MEIKIN: variants seen among roughly 807,000 people sequenced by gnomAD.
MEIKIN encodes meiosis-specific kinetochore protein.
At chr5:131,819,896 C>T (rs1332608199) in intron 11 of MEIKIN, among the ~76,000 whole-genome samples, 1 of 144,912 alleles carries the variant, frequency 6.9e-6, no homozygotes, top group African/African-American at 2.6e-5. Context: ...CTGCCTCAGC[C>T]TCCCAAGTAG....
intron 9 of MEIKIN, among the ~76,000 whole-genome samples, chr5:131,873,268 GAC>G (rs1036320388): frequency 2.0e-4 from 30 of 152,250 alleles, no homozygotes; most frequent in South Asian, 1.5e-3. Context: ...CACATGCAGA[GAC>G]ACACATAGGC....
chr5:131,834,518 C>G (rs994365488), intron 11 of MEIKIN, among the ~76,000 whole-genome samples: 40 of 152,178 alleles, frequency 2.6e-4, no homozygotes, highest in Admixed American at 4.6e-4. Flanking sequence ...TGTCAACCAC[C>G]ATTCTACTCT....
At chr5:131,901,452 C>T (rs1212750459) in intron 8 of MEIKIN, among the ~76,000 whole-genome samples, 1 of 152,146 alleles carries the variant, frequency 6.6e-6, no homozygotes, top group Admixed American at 6.5e-5. Flanking sequence ...TTAATACCTG[C>T]ATGGACACTG....
At chr5:131,872,514 A>C (rs1196592900) in intron 9 of MEIKIN, among the ~76,000 whole-genome samples, 2 of 152,234 alleles carry the variant, frequency 1.3e-5, no homozygotes, top group South Asian at 4.1e-4. Context: ...GACCAAATCA[A>C]CATCTGATTG....
At chr5:131,832,783 G>C (rs1231291955) in intron 11 of MEIKIN, among the ~76,000 whole-genome samples, 1 of 152,210 alleles carries the variant, frequency 6.6e-6, no homozygotes, top group African/African-American at 2.4e-5. Context: ...TGCATCATCT[G>C]AAGCCATGGC....
chr5:131,879,022 C>A lies in MEIKIN; in HGVS notation c.730G>T (p.Ala244Ser). The A allele has an allele frequency of 2.5e-6, 1 of 398,552 alleles. No individual in the cohort carries two copies. 24.7% of individuals were successfully genotyped at this position (398,552 alleles called of 1,614,324 possible). A position where few individuals can be genotyped will look rare whatever the true frequency, so the allele number is the denominator to read the frequency against. The change falls in exon 9 of 13, where the codon GCT becomes TCT. Residue 244 changes from alanine to serine, a missense_variant. Coordinates refer to ENST00000442687, the MANE Select transcript of MEIKIN (RefSeq NM_001303622.2). ...SDNAACEILL[A>S]EKTCPSTPEK... ...GGGGTTGAAGGGCAAGTTTTCTCAGCAAGTAAAATCTCACAAGCTGCATTA... is the reference window on the plus strand; with the variant it reads ...GGGGTTGAAGGGCAAGTTTTCTCAGAAAGTAAAATCTCACAAGCTGCATTA...
chr5:131,864,671 G>A lies in MEIKIN; in HGVS notation c.775-9837C>T, dbSNP rs79893012. On this transcript the variant is annotated intron_variant, in intron 9 of 12. Coordinates refer to ENST00000442687, the MANE Select transcript of MEIKIN (RefSeq NM_001303622.2). ...GAATTCTCTGTCTTTCACTTAGACA[G>A]TTTGACTACAATATGCCATGGAGAA... Among the ~76,000 whole-genome samples the A allele has an allele frequency of 4.7e-3, 712 of 152,282 alleles. 8 individuals carry two copies. The highest frequency in any genetic ancestry group is 0.016 in the African/African-American group (676 of 41,542).
intron 12 of MEIKIN, among the ~76,000 whole-genome samples, chr5:131,810,768 C>A (rs1772938523): frequency 6.6e-6 from 1 of 152,156 alleles, no homozygotes; most frequent in Non-Finnish European, 1.5e-5. Flanking sequence ...CACACCACCT[C>A]CTCTATCACA....
At position 131,877,817 on chromosome 5, in the gene MEIKIN, C is replaced by G. The variant is rs904231016; in HGVS notation, c.774+1161G>C. Among the ~76,000 whole-genome samples the G allele has an allele frequency of 2.0e-5, 3 of 152,338 alleles. No homozygotes were observed. In the East Asian group the frequency reaches 5.8e-4, roughly 29 times the overall value. ...GTTTTGTCTACCACAGTTTCAGTTA[C>G]CTGTGGTCAACCACAATCCAAAATA... On this transcript the variant is annotated intron_variant, in intron 9 of 12. Transcript: ENST00000442687.
At chr5:131,812,440 G>C (rs1374137982) in intron 12 of MEIKIN, among the ~76,000 whole-genome samples, 1 of 152,132 alleles carries the variant, frequency 6.6e-6, no homozygotes. Flanking sequence ...GAAATTGGTA[G>C]GTCTCCAAAG....
At chr5:131,897,088 A>C (rs578078371) in intron 8 of MEIKIN, among the ~76,000 whole-genome samples, 8 of 152,272 alleles carry the variant, frequency 5.3e-5, no homozygotes, top group Admixed American at 3.9e-4. Context: ...GTGGTGACAA[A>C]ATCTCTCAGC....
intron 9 of MEIKIN, 56 bp from the exon 10 acceptor site, chr5:131,854,890 A>G: frequency 7.6e-6 from 3 of 394,984 alleles, no homozygotes; most frequent in Non-Finnish European, 1.3e-5. Flanking sequence ...AAACTATTTT[A>G]GTATAGTAAA....
chr5:131,881,816 C>A (rs187951133), intron 8 of MEIKIN, among the ~76,000 whole-genome samples: 33 of 152,278 alleles, frequency 2.2e-4, no homozygotes, highest in Admixed American at 5.2e-4. Context: ...TCTCCAAAGA[C>A]TACCACTGTT....
chr5:131,923,073 A>T (rs1436902185), intron 5 of MEIKIN, among the ~76,000 whole-genome samples: 3 of 152,300 alleles, frequency 2.0e-5, no homozygotes, highest in Non-Finnish European at 4.4e-5. Flanking sequence ...TTATTTGTGT[A>T]GAGACAGTTT....
intron 5 of MEIKIN, among the ~76,000 whole-genome samples, chr5:131,929,038 G>A (rs538077645): frequency 6.6e-6 from 1 of 152,228 alleles, no homozygotes; most frequent in African/African-American, 2.4e-5. Context: ...GAAACTCCTT[G>A]TCTCTCCATT....
intron 12 of MEIKIN, among the ~76,000 whole-genome samples, 193 bp from the exon 13 acceptor site, chr5:131,807,451 T>C (rs1183998481): frequency 6.6e-6 from 1 of 152,128 alleles, no homozygotes; most frequent in Non-Finnish European, 1.5e-5. Flanking sequence ...TTCTAGGACA[T>C]GCTGAGGACA....
chr5:131,888,722 C>T (rs1455104451), intron 8 of MEIKIN, among the ~76,000 whole-genome samples: 1 of 152,118 alleles, frequency 6.6e-6, no homozygotes, highest in African/African-American at 2.4e-5. Context: ...TAATTAGATC[C>T]CATTTCTCAA....
rs539652746 is a variant in MEIKIN at position 131,881,396 on chromosome 5, G to GT, written c.704-2349dup. Reference sequence around the variant, plus strand: ...ACAGCACAAGCCACTAGGTCTCAGGGTTTTTTTGCCGGATATTTCTCCCTT... The same window carrying GT: ...ACAGCACAAGCCACTAGGTCTCAGGGTTTTTTTTGCCGGATATTTCTCCCTT... On this transcript the variant is annotated intron_variant, in intron 8 of 12. Transcript: ENST00000442687. 2.4e-3 allele frequency among the ~76,000 whole-genome samples: 372 copies of GT among 151,980 alleles called. 3 individuals carry two copies. Among genetic ancestry groups the GT allele is most frequent in the Admixed American group, 6.6e-3 (100 of 15,262 alleles).
At chr5:131,903,501 A>C (rs1751192929) in intron 8 of MEIKIN, among the ~76,000 whole-genome samples, 1 of 152,252 alleles carries the variant, frequency 6.6e-6, no homozygotes. Flanking sequence ...TATATTCAGC[A>C]TTATAAAAGA....
Sources: allele counts gnomAD v4.1 joint callset (sites outside exome capture counted in the v4.1 genomes callset), GRCh38; gene constraint gnomAD v4.1.1; transcripts MANE v1.5; gene names NCBI Gene and HGNC (gene_info 2026-07-23, HGNC 2026-07-21).